Variants in SNX1 observed in about 807,000 individuals in gnomAD.
The protein encoded by SNX1 is sorting nexin 1, also known as sorting nexin-1.
SNX1 carries 36 observed loss-of-function variants against 71.8 expected under a neutral mutation model. The ratio of observed to expected loss-of-function variants is 0.50; its 90% confidence interval spans 0.38 to 0.66. The LOEUF is 0.66. Ranked by LOEUF, SNX1 falls within the 30% of genes least tolerant of loss-of-function variation. The pLI is 0.00. For synonymous variants in SNX1, 254 were observed against 240.7 expected, an observed-to-expected ratio of 1.06 and a Z score of -0.51; for missense variants, 612 against 646.7, an observed-to-expected ratio of 0.95 and a Z score of 0.58.
intron 4 of SNX1, among the ~76,000 whole-genome samples, chr15:64,121,309 C>T (rs766490569): frequency 3.9e-5 from 6 of 152,166 alleles, no homozygotes. Context: ...ATCCTGGTGT[C>T]GGCAGGCCAT....
chr15:64,116,463 G>A (rs2081130092), intron 2 of SNX1, among the ~76,000 whole-genome samples: 1 of 152,176 alleles, frequency 6.6e-6, no homozygotes, highest in South Asian at 2.1e-4. Context: ...TCACTTTCCT[G>A]ATAGGGATCA....
rs2081250815 is a variant in SNX1, at chr15:64,126,217, A to T, written c.649A>T (p.Ile217Leu). The T allele has an allele frequency of 1.2e-6, 2 of 1,613,454 alleles. No individual in the cohort carries two copies. Among genetic ancestry groups the T allele is most frequent in the Admixed American group, 1.7e-5 (1 of 59,766 alleles). The change falls in exon 6 of 15, where the codon ATA becomes TTA. Residue 217 changes from isoleucine (I) to leucine (L), a missense_variant. Transcript: ENST00000559844. ...CCCTCCGCCCCCGGAGAAGAGCCTC[A>T]TAGGTAAGCCTGTGGTCTTTCATTC... ...IVPPPPEKSLIGMTKVKVGKE... is the reference protein window; with the variant it reads ...IVPPPPEKSLLGMTKVKVGKE...
chr15:64,143,700 C>G lies in SNX1; in HGVS notation c.*6082C>G, dbSNP rs2081436745. ...TTCCCCATCTTCATTCTCAGAATTA[C>G]ACCTGTCTGAAGCAGGCATTTTCCA... On this transcript the variant is annotated 3_prime_UTR_variant, in exon 15 of 15. Transcript: ENST00000559844. 1 of 152,240 alleles carries G rather than the reference C, an allele frequency of 6.6e-6. No individual in the cohort carries two copies. Among genetic ancestry groups the G allele is most frequent in the Non-Finnish European group, 1.5e-5 (1 of 68,050 alleles). 9.4% of individuals were successfully genotyped at this position (152,240 alleles called of 1,614,324 possible). A position where few individuals can be genotyped will look rare whatever the true frequency, so the allele number is the denominator to read the frequency against.
intron 11 of SNX1, among the ~76,000 whole-genome samples, chr15:64,133,052 G>C (rs2081322842): frequency 1.3e-5 from 2 of 152,240 alleles, no homozygotes; most frequent in Admixed American, 6.5e-5. Context: ...TGTACCACAG[G>C]GGTGAGGGCC....
chr15:64,110,617 G>A (rs766072784), intron 1 of SNX1, among the ~76,000 whole-genome samples: 4 of 152,098 alleles, frequency 2.6e-5, no homozygotes, highest in Non-Finnish European at 5.9e-5. Flanking sequence ...GCTGAGGCTG[G>A]TCTCCAACTC....
rs2080897638 is a variant in SNX1 at position 64,096,156 on chromosome 15, C to T, written c.143C>T (p.Thr48Ile). Reference sequence around the variant, plus strand: ...GACACCGAGGGGGAGGACATTTTCACCGGCGCCGCGGTGGTCGTGAGTTTG... The same window carrying T: ...GACACCGAGGGGGAGGACATTTTCATCGGCGCCGCGGTGGTCGTGAGTTTG... ...DSDTEGEDIF[T>I]GAAVVSKHQS... The change falls in exon 1 of 15, where the codon ACC (threonine) becomes ATC (isoleucine). Residue 48 changes from threonine (T) to isoleucine (I), a missense_variant. Physicochemically the swap from Thr to Ile is moderately conservative, Grantham distance 89 (BLOSUM62 -1). Coordinates refer to ENST00000559844, the MANE Select transcript of SNX1 (RefSeq NM_003099.5). The T allele has an allele frequency of 5.8e-6, 9 of 1,551,726 alleles. No homozygotes were observed. The highest frequency in any genetic ancestry group is 7.0e-6 in the Non-Finnish European group (8 of 1,147,698).
At chr15:64,112,784 A>C (rs2081090796) in intron 2 of SNX1, 100 bp downstream of exon 2, 1 of 674,472 alleles carries the variant, frequency 1.5e-6, no homozygotes, top group Non-Finnish European at 2.5e-6. Flanking sequence ...TATTGGGAAC[A>C]TAACTTTATG....
At chr15:64,104,103 C>G (rs2080992294) in intron 1 of SNX1, among the ~76,000 whole-genome samples, 1 of 152,116 alleles carries the variant, frequency 6.6e-6, no homozygotes, top group Non-Finnish European at 1.5e-5. Context: ...CATTTTAGTG[C>G]TCAGCTCAAA....
chr15:64,107,164 C>T (rs1018698538), intron 1 of SNX1, among the ~76,000 whole-genome samples: 24 of 152,164 alleles, frequency 1.6e-4, no homozygotes, highest in Admixed American at 1.5e-3. Flanking sequence ...CTCTATCTTG[C>T]CTTACTATGA....
In SNX1 at chr15:64,143,917, A is replaced by G. The variant is rs1200953422; in HGVS notation, c.*6299A>G. On this transcript the variant is annotated 3_prime_UTR_variant, in exon 15 of 15. Transcript: ENST00000559844. ...TTGAAATGTCCATCAGGAGGGGATT[A>G]AATGAATTATGGTACAGTTACACCG... 1.3e-5 allele frequency: 2 copies of G among 152,260 alleles called. No homozygotes were observed. Among genetic ancestry groups the G allele is most frequent in the Non-Finnish European group, 2.9e-5 (2 of 68,042 alleles). The allele number at this position is 152,260 out of a possible 1,614,324, so 9.4% of individuals were successfully genotyped here.
intron 10 of SNX1, among the ~76,000 whole-genome samples, chr15:64,131,018 C>T (rs1212102547): frequency 6.6e-6 from 1 of 152,196 alleles, no homozygotes; most frequent in African/African-American, 2.4e-5. Context: ...GTCGCGGTGG[C>T]TCACGCCTGT....
intron 1 of SNX1, among the ~76,000 whole-genome samples, chr15:64,099,251 A>G (rs2080934184): frequency 6.6e-6 from 1 of 152,216 alleles, no homozygotes; most frequent in African/African-American, 2.4e-5. Context: ...ACGTGTAAAA[A>G]GTGAATAATA....
intron 6 of SNX1, 132 bp from the exon 7 acceptor site, chr15:64,127,042 A>G (rs1417465711): frequency 3.0e-6 from 2 of 673,454 alleles, no homozygotes; most frequent in African/African-American, 1.8e-5. Flanking sequence ...TCATCCCTGC[A>G]TATAACATAG....
At chr15:64,128,279 T>C (rs1209981947) in intron 8 of SNX1, among the ~76,000 whole-genome samples, 1 of 152,208 alleles carries the variant, frequency 6.6e-6, no homozygotes, top group African/African-American at 2.4e-5. Context: ...GTGGAAGAAT[T>C]AAGTAAAATA....
chr15:64,101,452 T>G (rs879468258), intron 1 of SNX1, among the ~76,000 whole-genome samples: 2 of 152,266 alleles, frequency 1.3e-5, no homozygotes, highest in African/African-American at 2.4e-5. Context: ...TTTCTTCTTT[T>G]TTAAGGCTGA....
chr15:64,103,365 G>T (rs2080984395), intron 1 of SNX1, among the ~76,000 whole-genome samples: 1 of 152,040 alleles, frequency 6.6e-6, no homozygotes, highest in African/African-American at 2.4e-5. Context: ...GCCAGCATTT[G>T]TTGTTTTTTG....
chr15:64,115,636 T>C (rs970637637), intron 2 of SNX1: 17 of 351,488 alleles, frequency 4.8e-5, no homozygotes, highest in Non-Finnish European at 8.8e-5. Context: ...TGGTCATGGC[T>C]CACTGCAGCC....
Position 64,118,818 on chromosome 15 carries a change from G to T in SNX1, c.430G>T (p.Asp144Tyr). The T allele has an allele frequency of 6.2e-7, 1 of 1,613,434 alleles. No homozygotes were observed. The highest frequency in any genetic ancestry group is 1.1e-5 in the South Asian group (1 of 91,016). The change falls in exon 4 of 15, where the codon GAT (aspartate) becomes TAT (tyrosine). Residue 144 changes from aspartate (D) to tyrosine (Y), a missense_variant. Physicochemically the swap from Asp to Tyr is radical, Grantham distance 160 (BLOSUM62 -3). Transcript: ENST00000559844. ...LEEEEQEDQF[D>Y]LTVGITDPEK... is the part of the protein sequence containing the mutation. ...GGAAGAAGAACAGGAGGATCAATTT[G>T]ATTTGACAGTCGGTATAACTGATCC...
At chr15:64,118,320 G>GT in intron 3 of SNX1, 76 bp downstream of exon 3, 1 of 1,452,358 alleles carries the variant, frequency 6.9e-7, no homozygotes, top group Non-Finnish European at 9.3e-7. Context: ...GTGTAGTTGA[G>GT]TATGAACCTT....
Sources: gnomAD v4.1 joint callset for allele counts (sites outside exome capture counted in the v4.1 genomes callset) on GRCh38, gnomAD v4.1.1 for gene constraint, MANE v1.5 for transcripts, NCBI Gene and HGNC (gene_info 2026-07-23, HGNC 2026-07-21) for gene names.